DNAAF4: variants seen among roughly 807,000 people sequenced by gnomAD.
DNAAF4 encodes dynein assembly factor 4, axonemal.
Under a neutral mutation model 51.8 loss-of-function variants are expected in DNAAF4, and 43 were observed. The ratio of observed to expected loss-of-function variants is 0.83; its 90% CI spans 0.65 to 1.07. DNAAF4 has a LOEUF of 1.07. Ranked by LOEUF, DNAAF4 falls within the 50% of genes least tolerant of loss-of-function variation. The probability of loss-of-function intolerance (pLI) is 0.00; values close to 1 mark genes in which losing one functional copy is unlikely to be tolerated. For synonymous variants in DNAAF4, 194 were observed against 165.6 expected, an observed-to-expected ratio of 1.17 and a Z score of -1.32; for missense variants, 581 against 493.0, an observed-to-expected ratio of 1.18 and a Z score of -1.69.
chr15:55,494,783 C>T (rs1333859990), intron 3 of DNAAF4, among the ~76,000 whole-genome samples: 2 of 152,038 alleles, frequency 1.3e-5, no homozygotes, highest in African/African-American at 2.4e-5. Context: ...GGGCCAAATC[C>T]GACCTGCCAC....
At chr15:55,429,575 T>G (rs1339561663), downstream of DNAAF4, among the ~76,000 whole-genome samples, 2 of 150,882 alleles carry the variant, frequency 1.3e-5, no homozygotes, top group East Asian at 3.9e-4. Context: ...TCCAGCACTT[T>G]GGGAGGCCAA....
intron 4 of DNAAF4, among the ~76,000 whole-genome samples, chr15:55,485,203 AAACATGT>A (rs2058470299): frequency 3.3e-5 from 5 of 152,238 alleles, no homozygotes; most frequent in Admixed American, 3.3e-4. Flanking sequence ...AGAAAATACA[AAACATGT>A]AAAAGTGGAA....
intron 6 of DNAAF4, among the ~76,000 whole-genome samples, chr15:55,441,167 G>A (rs2057705397): frequency 6.6e-6 from 1 of 151,832 alleles, no homozygotes; most frequent in African/African-American, 2.4e-5. Context: ...CGCCTTCTGG[G>A]TTCAAGCAAT....
chr15:55,442,536 T>G, intron 6 of DNAAF4: 1 of 843,618 alleles, frequency 1.2e-6, no homozygotes, highest in Non-Finnish European at 2.1e-6. Flanking sequence ...GGCAGGCTTC[T>G]CCCTACAGGG....
At chr15:55,443,436 C>G (rs1339153550) in intron 6 of DNAAF4, 3 of 594,442 alleles carry the variant, frequency 5.0e-6, no homozygotes, top group Non-Finnish European at 8.9e-6. Flanking sequence ...TTTTCTTAAT[C>G]CAGTCTATCA....
At chr15:55,423,436 T>C (rs1014376741) in intron 7 of DNAAF4, among the ~76,000 whole-genome samples, 3 of 152,110 alleles carry the variant, frequency 2.0e-5, no homozygotes, top group Non-Finnish European at 2.9e-5. Context: ...AGTCTTGGAC[T>C]CCTGGGCTCA....
chr15:55,443,114 G>A (rs1241814620), intron 6 of DNAAF4: 7 of 1,610,498 alleles, frequency 4.3e-6, no homozygotes, highest in East Asian at 2.2e-5. Flanking sequence ...GTAGGTGTAC[G>A]TTTATATGAA....
chr15:55,450,125 T>C, intron 6 of DNAAF4, 97 bp downstream of exon 6: 8 of 1,285,306 alleles, frequency 6.2e-6, no homozygotes, highest in Non-Finnish European at 8.4e-6. Flanking sequence ...GTGTAATAAA[T>C]ACTTAAGAAA....
intron 3 of DNAAF4, among the ~76,000 whole-genome samples, chr15:55,491,686 AT>A (rs2058574024): frequency 3.5e-5 from 5 of 141,996 alleles, no homozygotes; most frequent in African/African-American, 1.3e-4. Flanking sequence ...ATATTATATT[AT>A]TATATAATAA....
intron 4 of DNAAF4, among the ~76,000 whole-genome samples, chr15:55,478,405 G>C (rs764819875): frequency 6.6e-6 from 1 of 152,164 alleles, no homozygotes; most frequent in Non-Finnish European, 1.5e-5. Context: ...CACTGCCTGG[G>C]TGCTAATGGT....
rs577342121 is a variant in DNAAF4, at chr15:55,467,344, T to C, written c.406-183A>G. 3.9e-5 allele frequency among the ~76,000 whole-genome samples: 6 copies of C among 152,228 alleles called. 1 individual carries two copies. Among genetic ancestry groups the C allele is most frequent in the South Asian group, 4.2e-4 (2 of 4,810 alleles). On this transcript the variant is annotated intron_variant, in intron 4 of 9. Coordinates refer to ENST00000321149, the MANE Select transcript of DNAAF4 (RefSeq NM_130810.4). ...GGTAAATGATTCAGGAGAAAAACCATTGGTGTTGGAGTCATGGAACAAAGA... is the reference window on the plus strand; with the variant it reads ...GGTAAATGATTCAGGAGAAAAACCACTGGTGTTGGAGTCATGGAACAAAGA...
intron 5 of DNAAF4, among the ~76,000 whole-genome samples, chr15:55,452,244 T>TAAAAAAAAAAAAAAAAACAAAA (rs2057945506): frequency 1.9e-5 from 1 of 53,600 alleles, no homozygotes; most frequent in African/African-American, 7.9e-5. Flanking sequence ...CATGTCTCAC[T>TAAAAAAAAAAAAAAAAACAAAA]AAAAAAAAAA....
At chr15:55,447,551 A>ATCAGGAGCTGGAGG (rs1028159707) in intron 6 of DNAAF4, among the ~76,000 whole-genome samples, 2 of 151,566 alleles carry the variant, frequency 1.3e-5, no homozygotes, top group Non-Finnish European at 1.5e-5. Context: ...AGGCGGGCAG[A>ATCAGGAGCTGGAGG]TCAGGAGCTG....
intron 5 of DNAAF4, among the ~76,000 whole-genome samples, chr15:55,458,993 T>C (rs1158082306): frequency 6.6e-6 from 1 of 151,704 alleles, no homozygotes; most frequent in Non-Finnish European, 1.5e-5. Context: ...GGAGAATTGC[T>C]TGAACCCGGG....
chr15:55,493,013 T>G (rs544130164), intron 3 of DNAAF4, among the ~76,000 whole-genome samples: 2 of 152,330 alleles, frequency 1.3e-5, no homozygotes, highest in South Asian at 4.1e-4. Context: ...AAAACTCTTA[T>G]GTTAAAATCC....
intron 4 of DNAAF4, among the ~76,000 whole-genome samples, chr15:55,483,833 C>CTTTTGTTTT (rs2058446374): frequency 1.2e-5 from 1 of 82,504 alleles, no homozygotes; most frequent in Non-Finnish European, 2.2e-5. Context: ...GCCAATAAAG[C>CTTTTGTTTT]TTTTTTTTTT....
chr15:55,422,658 C>T (rs1257009475), intron 7 of DNAAF4, among the ~76,000 whole-genome samples: 2 of 152,098 alleles, frequency 1.3e-5, no homozygotes, highest in African/African-American at 2.4e-5. Flanking sequence ...TGAGAACTGA[C>T]CTTTGATTAG....
intron 4 of DNAAF4, among the ~76,000 whole-genome samples, chr15:55,484,885 G>A (rs537515629): frequency 2.7e-4 from 41 of 152,244 alleles, no homozygotes; most frequent in African/African-American, 9.9e-4. Flanking sequence ...TAGCCATGCT[G>A]GCAGCCAATT....
intron 4 of DNAAF4, among the ~76,000 whole-genome samples, chr15:55,489,449 G>C (rs2058539109): frequency 6.6e-6 from 1 of 152,086 alleles, no homozygotes; most frequent in Non-Finnish European, 1.5e-5. Context: ...CAAGGCGGGT[G>C]AATCACTTGA....
Sources: gnomAD v4.1 joint callset for allele counts (sites outside exome capture counted in the v4.1 genomes callset) on GRCh38, gnomAD v4.1.1 for gene constraint, MANE v1.5 for transcripts, NCBI Gene and HGNC (gene_info 2026-07-23, HGNC 2026-07-21) for gene names.